The following HK2 variants were observed in gnomAD, a reference collection of about 807,000 sequenced individuals.
HK2 encodes the protein hexokinase-2.
Under a neutral mutation model 92.9 loss-of-function variants are expected in HK2, and 42 were observed. The observed-to-expected ratio is 0.45, with a 90% CI of 0.35 to 0.58. HK2 has a LOEUF of 0.58. Ranked by LOEUF, HK2 falls within the 20% of genes least tolerant of loss-of-function variation. The pLI is 0.00. For missense variants in HK2, 978 were observed against 1,245.1 expected (o/e 0.79, Z 3.23); for synonymous variants, 422 against 468.0 (o/e 0.90, Z 1.27).
In HK2 at chr2:74,891,010, C is replaced by G; in HGVS notation, c.*69C>G. The G allele has an allele frequency of 6.4e-7, 1 of 1,559,088 alleles. No individual in the cohort carries two copies. ...CCTGTTTTAAATTATAAGATGTCATCCCCTTGTGTCAGAGACAGACCCCTT... is the reference window on the plus strand; with the variant it reads ...CCTGTTTTAAATTATAAGATGTCATGCCCTTGTGTCAGAGACAGACCCCTT... On this transcript the variant is annotated 3_prime_UTR_variant, in exon 18 of 18. Coordinates refer to ENST00000290573, the MANE Select transcript of HK2 (RefSeq NM_000189.5).
chr2:74,876,141 G>A (rs755906866), intron 7 of HK2, among the ~76,000 whole-genome samples: 10 of 152,166 alleles, frequency 6.6e-5, no homozygotes, highest in Non-Finnish European at 1.3e-4. Flanking sequence ...TAAAATGCGC[G>A]CTGTCATCTT....
Position 74,886,686 on chromosome 2 carries a change from C to A in HK2, c.2219+13C>A. The A allele has an allele frequency of 6.2e-7, 1 of 1,613,546 alleles. No homozygotes were observed. The highest frequency in any genetic ancestry group is 8.5e-7 in the Non-Finnish European group (1 of 1,179,710). The stretch of plus-strand genomic sequence containing the variant: ...CCGGCAAGCAGAGGTAGGCACCCAA[C>A]TGGGGCCCTGTTAAGTGTATCCCAG... On this transcript the variant is annotated intron_variant, in intron 15 of 17. Transcript: ENST00000290573.
In HK2 at chr2:74,834,782, C is replaced by A; in HGVS notation, c.63+139C>A. ...GCGGAAAAAGTTTGGGCAGCCGGGACACTCCTGGGCGCCAGGAGCCACGTC... is the reference window on the plus strand; with the variant it reads ...GCGGAAAAAGTTTGGGCAGCCGGGAAACTCCTGGGCGCCAGGAGCCACGTC... On this transcript the variant is annotated intron_variant, in intron 1 of 17. Transcript: ENST00000290573. This position sits in a 1 kb window ranked among gnomAD's most constrained non-coding sequence, Gnocchi z 4.2. The A allele has an allele frequency of 1.1e-6, 1 of 900,472 alleles. No individual in the cohort carries two copies. Among genetic ancestry groups the A allele is most frequent in the Non-Finnish European group, 1.8e-6 (1 of 560,088 alleles). 55.8% of individuals were successfully genotyped at this position (900,472 alleles called of 1,614,324 possible).
intron 1 of HK2, among the ~76,000 whole-genome samples, chr2:74,843,265 T>C (rs1688359611): frequency 6.6e-6 from 1 of 152,000 alleles, no homozygotes; most frequent in Non-Finnish European, 1.5e-5. Context: ...GACCCTGGGC[T>C]GTTGAGTGTG....
At chr2:74,845,052 T>G (rs1291211588) in intron 1 of HK2, among the ~76,000 whole-genome samples, 1 of 152,206 alleles carries the variant, frequency 6.6e-6, no homozygotes, top group East Asian at 1.9e-4. Context: ...AGGGGACATT[T>G]TGGGCAGTGA....
intron 1 of HK2, among the ~76,000 whole-genome samples, chr2:74,853,295 T>C (rs1422596881): frequency 6.6e-6 from 1 of 152,054 alleles, no homozygotes; most frequent in Non-Finnish European, 1.5e-5. Context: ...GGCAGGTGGA[T>C]AGCTTGAGTC....
At chr2:74,873,220 G>T (rs1421351729) in intron 4 of HK2, 56 bp from the exon 5 acceptor site, 2 of 1,264,322 alleles carry the variant, frequency 1.6e-6, no homozygotes, top group Admixed American at 3.4e-5. Context: ...TGAGGGGTGT[G>T]GTGTGAGTTT....
rs937381735 is a variant in HK2, at chr2:74,874,502, C to G, written c.875+53C>G. The G allele has an allele frequency of 1.2e-5, 18 of 1,528,204 alleles. No homozygotes were observed. The African/African-American group carries it at 1.4e-4, about 12-fold the overall frequency. The allele number at this position is 1,528,204 out of a possible 1,614,324, so 94.7% of individuals were successfully genotyped here. On this transcript the variant is annotated intron_variant, in intron 7 of 17. Transcript: ENST00000290573. ...GCTTGGCGGGGGCCTGGAGCTGAGT[C>G]TGGGGCTGGTCGGGGCCAGGGGGTT...
At chr2:74,865,927 C>G (rs1688935097) in intron 2 of HK2, among the ~76,000 whole-genome samples, 1 of 152,100 alleles carries the variant, frequency 6.6e-6, no homozygotes, top group Non-Finnish European at 1.5e-5. Context: ...TTTTTCCCCT[C>G]ACAGCAACCC....
Position 74,834,643 on chromosome 2 carries a change from G to T in HK2, c.63G>T (p.Lys21Asn). 6.2e-7 allele frequency: 1 copy of T among 1,613,976 alleles called. No homozygotes were observed. Among genetic ancestry groups the T allele is most frequent in the Non-Finnish European group, 8.5e-7 (1 of 1,179,868 alleles). Residue 21 changes from lysine (K) to asparagine (N), a missense_variant and splice_region_variant, in exon 1 of 18, where the codon AAG becomes AAT. Coordinates refer to ENST00000290573, the MANE Select transcript of HK2 (RefSeq NM_000189.5). This position sits in a 1 kb window ranked among gnomAD's most constrained non-coding sequence, Gnocchi z 4.2. ...FTELNHDQVQ[K>N]VDQYLYHMRL... ...AGCTCAACCATGACCAAGTGCAGAA[G>T]GTAAGTCAGCGCGGGCGGGGCGGCA...
chr2:74,846,800 CTG>C (rs1283224592), intron 1 of HK2, among the ~76,000 whole-genome samples: 6 of 152,190 alleles, frequency 3.9e-5, no homozygotes, highest in Non-Finnish European at 1.5e-5. Flanking sequence ...GTGTGAGCCA[CTG>C]TGCCCATCCC....
At chr2:74,879,040 G>A in intron 9 of HK2, 119 bp downstream of exon 9, 1 of 859,864 alleles carries the variant, frequency 1.2e-6, no homozygotes, top group Non-Finnish European at 1.9e-6. Flanking sequence ...ATAGAGCTGA[G>A]GGTCTTGGTG....
intron 5 of HK2, 76 bp downstream of exon 5, chr2:74,873,447 C>G: frequency 1.0e-6 from 1 of 959,024 alleles, no homozygotes; most frequent in East Asian, 2.4e-5. Context: ...GTGTCCTTGA[C>G]TCATCATTGT....
chr2:74,835,229 A>G (rs1688129988), intron 1 of HK2: 1 of 171,152 alleles, frequency 5.8e-6, no homozygotes, highest in Admixed American at 5.7e-5. Context: ...CCTCCCCGGA[A>G]CTGTGGCGCC....
chr2:74,840,185 C>A (rs1264242912), intron 1 of HK2, among the ~76,000 whole-genome samples: 1 of 149,668 alleles, frequency 6.7e-6, no homozygotes, highest in Non-Finnish European at 1.5e-5. Context: ...GTCTTATCTC[C>A]TGACCTCATG....
chr2:74,848,858 T>G (rs1688503045), intron 1 of HK2, among the ~76,000 whole-genome samples: 1 of 152,246 alleles, frequency 6.6e-6, no homozygotes. Context: ...TGGGCGCTTC[T>G]GGGCCAGAAG....
Position 74,861,500 on chromosome 2 carries a change from T to G in HK2, c.227-6136T>G, listed in dbSNP as rs542596664. ...CTGTACTAGGCCATTTACATAAATC[T>G]GTTTTACTCTCCACAAAAACTTTAC... On this transcript the variant is annotated intron_variant, in intron 2 of 17. Transcript: ENST00000290573. Among the ~76,000 whole-genome samples, 18 of 152,164 alleles carry G rather than the reference T, an allele frequency of 1.2e-4. No homozygotes were observed. In the South Asian group the frequency reaches 3.7e-3, roughly 32 times the overall value.
Position 74,890,866 on chromosome 2 carries a change from A to G in HK2, c.2679A>G (p.Ser893=), listed in dbSNP as rs113739268. The G allele has an allele frequency of 1.9e-6, 3 of 1,614,216 alleles. No individual in the cohort carries two copies. The South Asian group carries it at 3.3e-5, about 18-fold the overall frequency. ...APKCDVSFLQ[S]EDGSGKGAAL... ...AATGTGATGTGTCTTTCCTGCAGTC[A>G]GAGGATGGCAGCGGGAAGGGGGCGG... Residue 893 remains serine, a synonymous_variant, in exon 18 of 18, where the codon TCA becomes TCG. Coordinates refer to ENST00000290573, the MANE Select transcript of HK2 (RefSeq NM_000189.5).
chr2:74,841,199 A>G (rs1395415701), intron 1 of HK2, among the ~76,000 whole-genome samples: 1 of 151,952 alleles, frequency 6.6e-6, no homozygotes, highest in Non-Finnish European at 1.5e-5. Context: ...TTCAAGTAGG[A>G]GTGATTTTAT....
Sources: allele counts gnomAD v4.1 joint callset (sites outside exome capture counted in the v4.1 genomes callset), GRCh38; gene constraint gnomAD v4.1.1; non-coding constraint Gnocchi (gnomAD v3.1); transcripts MANE v1.5; gene names NCBI Gene and HGNC (gene_info 2026-07-23, HGNC 2026-07-21).